Variants in PTGES3L observed in about 807,000 individuals in gnomAD.
PTGES3L encodes the protein putative protein PTGES3L.
PTGES3L carries 17 observed loss-of-function variants against 25.0 expected under a neutral mutation model. The ratio of observed to expected loss-of-function variants is 0.68; its 90% confidence interval spans 0.47 to 1.02. PTGES3L has a LOEUF of 1.02. Among genes scored for constraint, PTGES3L ranks in the 50% least tolerant of loss-of-function variants. The pLI is 0.00. For synonymous variants in PTGES3L, 59 were observed against 65.7 expected, an observed-to-expected ratio of 0.90 and a Z score of 0.50; for missense variants, 202 against 197.5, an observed-to-expected ratio of 1.02 and a Z score of -0.14.
chr17:42,970,369 G>A (rs2049810837), intron 5 of PTGES3L, 27 bp from the exon 6 acceptor site: 2 of 1,613,042 alleles, frequency 1.2e-6, no homozygotes, highest in Non-Finnish European at 1.7e-6. Context: ...ATAATCACAA[G>A]GGAGAAGGGA....
chr17:42,973,399 G>A (rs553164845), intron 4 of PTGES3L, among the ~76,000 whole-genome samples: 1 of 141,906 alleles, frequency 7.0e-6, no homozygotes, highest in Non-Finnish European at 1.5e-5. Flanking sequence ...CCGGCCAGCC[G>A]CCCCGTCCGG....
At chr17:42,979,503 G>C in intron 2 of PTGES3L, 47 bp downstream of exon 2, 1 of 1,614,164 alleles carries the variant, frequency 6.2e-7, no homozygotes, top group South Asian at 1.1e-5. Context: ...CATTAGGAAA[G>C]GGGTAGATTC....
intron 4 of PTGES3L, among the ~76,000 whole-genome samples, chr17:42,974,772 C>CAAA (rs35782715): frequency 8.3e-6 from 1 of 120,122 alleles, no homozygotes; most frequent in African/African-American, 3.1e-5. Context: ...GACTCTGTCT[C>CAAA]AAAAAAAAAA....
chr17:42,970,221 A>T (rs1285252923), intron 6 of PTGES3L, 68 bp downstream of exon 6: 5 of 1,586,566 alleles, frequency 3.2e-6, no homozygotes, highest in Non-Finnish European at 4.3e-6. Flanking sequence ...CTGGGATAGG[A>T]GCTCTCTAGT....
chr17:42,975,865 C>T (rs533198151), intron 4 of PTGES3L, among the ~76,000 whole-genome samples: 6 of 151,708 alleles, frequency 4.0e-5, no homozygotes, highest in African/African-American at 1.5e-4. Flanking sequence ...TTAGTAGAGA[C>T]GGGGTTTCAC....
intron 4 of PTGES3L, among the ~76,000 whole-genome samples, chr17:42,975,469 T>C (rs897502222): frequency 1.3e-5 from 2 of 152,108 alleles, no homozygotes; most frequent in Non-Finnish European, 2.9e-5. Context: ...GGCTAGAAGA[T>C]AAAGCTTGGG....
Position 42,977,687 on chromosome 17 carries a change from G to GA in PTGES3L, c.288+1482dup, listed in dbSNP as rs70964677. Among the ~76,000 whole-genome samples the GA allele has an allele frequency of 9.8e-3, 1,227 of 124,708 alleles. 9 individuals are homozygous for GA. Among genetic ancestry groups the GA allele is most frequent in the Non-Finnish European group, 0.016 (963 of 61,254 alleles). 81.8% of individuals were successfully genotyped at this position (124,708 alleles called of 152,430 possible). A position where few individuals can be genotyped will look rare whatever the true frequency, so the allele number is the denominator to read the frequency against. ...AGGGAGGGAGAGAGAGAGAGAGAAAGAAAGAAAAGAAAGAAAGAAAGAAAG... is the reference window on the plus strand; with the variant it reads ...AGGGAGGGAGAGAGAGAGAGAGAAAGAAAAGAAAAGAAAGAAAGAAAGAAAG... On this transcript the variant is annotated intron_variant, in intron 4 of 6. Coordinates refer to ENST00000591916, the MANE Select transcript of PTGES3L (RefSeq NM_001261430.2).
intron 4 of PTGES3L, among the ~76,000 whole-genome samples, chr17:42,977,692 AAAAGAAAG>A (rs57809818): frequency 3.7e-5 from 5 of 136,404 alleles, no homozygotes; most frequent in African/African-American, 5.3e-5. Context: ...AGAAAGAAAG[AAAAGAAAG>A]AAAGAAAGAA....
At chr17:42,976,772 C>T (rs745389508) in intron 4 of PTGES3L, among the ~76,000 whole-genome samples, 7 of 152,088 alleles carry the variant, frequency 4.6e-5, no homozygotes, top group African/African-American at 9.7e-5. Flanking sequence ...AAGGAGGAGA[C>T]GACTTTGGAG....
chr17:42,974,073 T>G (rs1477630940), intron 4 of PTGES3L, among the ~76,000 whole-genome samples: 1 of 151,840 alleles, frequency 6.6e-6, no homozygotes, highest in Non-Finnish European at 1.5e-5. Flanking sequence ...ACAGACAAGC[T>G]GCAGCCAGGC....
intron 6 of PTGES3L, 141 bp from the exon 7 acceptor site, chr17:42,969,327 A>G: frequency 2.0e-6 from 1 of 496,320 alleles, no homozygotes; most frequent in Non-Finnish European, 3.6e-6. Context: ...TAGGGGGCTA[A>G]TATGAAAGGT....
Position 42,970,311 on chromosome 17 carries a change from G to A in PTGES3L, c.410C>T (p.Pro137Leu), listed in dbSNP as rs747852453. 6.2e-7 allele frequency: 1 copy of A among 1,613,988 alleles called. No homozygotes were observed. The highest frequency in any genetic ancestry group is 1.7e-5 in the Admixed American group (1 of 60,002). Reference protein sequence around the residue: ...LLKKVSTKRPPPAMDDLDDDS... With the variant: ...LLKKVSTKRPLPAMDDLDDDS... ...TACATCCAAATCATCCATGGCAGGTGGAGGTCTCTTGGTGCTGACCTTCTT... is the reference window on the plus strand; with the variant it reads ...TACATCCAAATCATCCATGGCAGGTAGAGGTCTCTTGGTGCTGACCTTCTT... Residue 137 changes from proline to leucine, a missense_variant, in exon 6 of 7, where the codon CCA becomes CTA. Physicochemically the swap from Pro to Leu is moderately conservative, Grantham distance 98 (BLOSUM62 -3). Coordinates refer to ENST00000591916, the MANE Select transcript of PTGES3L (RefSeq NM_001261430.2).
chr17:42,979,977 C>G lies in PTGES3L; in HGVS notation c.8+69G>C, dbSNP rs945593281. The G allele has an allele frequency of 1.9e-5, 28 of 1,496,800 alleles. 1 individual carries two copies. Among genetic ancestry groups the G allele is most frequent in the Middle Eastern group, 4.8e-4 (2 of 4,168 alleles). The allele number at this position is 1,496,800 out of a possible 1,614,324, so 92.7% of individuals were successfully genotyped here. On this transcript the variant is annotated intron_variant, in intron 1 of 6. Coordinates refer to ENST00000591916, the MANE Select transcript of PTGES3L (RefSeq NM_001261430.2). Reference sequence around the variant, plus strand: ...GGGGCCTCACAGAACCTGGAGCGCCCAGAAGACTTGGAGCAGGGAATCTCC... The same window carrying G: ...GGGGCCTCACAGAACCTGGAGCGCCGAGAAGACTTGGAGCAGGGAATCTCC...
At chr17:42,970,743 T>G (rs1250139570) in intron 5 of PTGES3L, among the ~76,000 whole-genome samples, 2 of 128,994 alleles carry the variant, frequency 1.6e-5, no homozygotes, top group African/African-American at 5.6e-5. Context: ...TGGCTCACAT[T>G]TGTAATGTGA....
intron 4 of PTGES3L, among the ~76,000 whole-genome samples, chr17:42,978,910 G>A (rs1316880906): frequency 6.6e-6 from 1 of 152,170 alleles, no homozygotes; most frequent in Non-Finnish European, 1.5e-5. Flanking sequence ...TGAGGCAGGA[G>A]AATTGCTTGA....
In PTGES3L at chr17:42,969,184, AT is replaced by A; in HGVS notation, c.434del (p.Asp145ValfsTer16). ...TTGCATCATCAGCACTGTCAGAATC[AT>A]CCTGGGGGCGGGGGGGAAAAAAGAC... is the stretch of plus-strand genomic sequence containing the variant. ...RPPPAMDDLD[D>X]DSDSADDATS... On this transcript the variant is annotated frameshift_variant and splice_region_variant, in exon 7 of 7. Transcript: ENST00000591916. LOFTEE classifies it high-confidence loss of function. 1.0e-6 allele frequency: 1 copy of A among 989,130 alleles called. No individual in the cohort carries two copies. Among genetic ancestry groups the A allele is most frequent in the Non-Finnish European group, 1.4e-6 (1 of 719,322 alleles). 61.3% of individuals were successfully genotyped at this position (989,130 alleles called of 1,614,324 possible). A position where few individuals can be genotyped will look rare whatever the true frequency, so the allele number is the denominator to read the frequency against.
intron 4 of PTGES3L, among the ~76,000 whole-genome samples, chr17:42,978,364 G>C (rs992239264): frequency 1.3e-5 from 2 of 152,108 alleles, no homozygotes; most frequent in Non-Finnish European, 1.5e-5. Context: ...CCAAGATCGC[G>C]CCACTGCACT....
At position 42,968,574 on chromosome 17, in the gene PTGES3L, G is replaced by C. The variant is rs937467161; in HGVS notation, c.*574C>G. 2 of 152,104 alleles carry C rather than the reference G, an allele frequency of 1.3e-5. No homozygotes were observed. Among genetic ancestry groups the C allele is most frequent in the African/African-American group, 4.8e-5 (2 of 41,364 alleles). 9.4% of individuals were successfully genotyped at this position (152,104 alleles called of 1,614,324 possible). A position where few individuals can be genotyped will look rare whatever the true frequency, so the allele number is the denominator to read the frequency against. ...TATAAAGAGATTTCTAGAGTGTGCA[G>C]GAAGCTGAAGTGGCTGGTTCTAGAG... is the stretch of plus-strand genomic sequence containing the variant. On this transcript the variant is annotated 3_prime_UTR_variant, in exon 7 of 7. Coordinates refer to ENST00000591916, the MANE Select transcript of PTGES3L (RefSeq NM_001261430.2).
chr17:42,969,137 G>T lies in PTGES3L; in HGVS notation c.*11C>A, dbSNP rs763075866. On this transcript the variant is annotated 3_prime_UTR_variant, in exon 7 of 7. Coordinates refer to ENST00000591916, the MANE Select transcript of PTGES3L (RefSeq NM_001261430.2). ...GCCACAGCTGCCTTCCCAGCTTTGC[G>T]TCACAGAAAGTTAATTACTTGTTGC... The T allele has an allele frequency of 2.6e-6, 4 of 1,527,774 alleles. No individual in the cohort carries two copies. The highest frequency in any genetic ancestry group is 3.5e-6 in the Non-Finnish European group (4 of 1,132,828). 94.6% of individuals were successfully genotyped at this position (1,527,774 alleles called of 1,614,324 possible).
Sources: allele counts gnomAD v4.1 joint callset (sites outside exome capture counted in the v4.1 genomes callset), GRCh38; gene constraint gnomAD v4.1.1; transcripts MANE v1.5; gene names NCBI Gene and HGNC (gene_info 2026-07-23, HGNC 2026-07-21).